The following NXPE2 variants were observed in gnomAD, a reference collection of about 807,000 sequenced individuals.
The protein encoded by NXPE2 is NXPE family member 2.
NXPE2 carries 34 observed loss-of-function variants against 34.4 expected under a neutral mutation model. The ratio of observed to expected loss-of-function variants is 0.99; its 90% CI spans 0.75 to 1.31. NXPE2 has a LOEUF of 1.31. NXPE2 is among the 40% of genes most tolerant of loss of function. The pLI, the probability that NXPE2 is intolerant of heterozygous loss-of-function variation, is 0.00. For synonymous variants in NXPE2, 235 were observed against 231.3 expected, an observed-to-expected ratio of 1.02 and a Z score of -0.15; for missense variants, 649 against 672.5, an observed-to-expected ratio of 0.97 and a Z score of 0.39.
the NXPE2 span, among the ~76,000 whole-genome samples, chr11:114,632,004 A>G: frequency 1.1e-4 from 16 of 148,276 alleles, no homozygotes; most frequent in Admixed American, 2.7e-4. Context: ...AACAGCTACT[A>G]TTACCTAATA....
At chr11:114,778,571 T>G in the NXPE2 span, among the ~76,000 whole-genome samples, 5 of 151,862 alleles carry the variant, frequency 3.3e-5, no homozygotes, top group Non-Finnish European at 7.4e-5. Flanking sequence ...GAGGACAGAT[T>G]TGAGAGATAA....
At chr11:114,751,316 G>A in the NXPE2 span, among the ~76,000 whole-genome samples, 2 of 152,076 alleles carry the variant, frequency 1.3e-5, no homozygotes, top group African/African-American at 4.8e-5. Context: ...ACCATTCGTT[G>A]GTTGATTCCA....
the NXPE2 span, among the ~76,000 whole-genome samples, chr11:114,778,920 G>A: frequency 6.6e-6 from 1 of 152,222 alleles, no homozygotes; most frequent in African/African-American, 2.4e-5. Context: ...AGAACCCGTT[G>A]TGGCTTTAAA....
the NXPE2 span, among the ~76,000 whole-genome samples, chr11:114,765,325 C>T: frequency 6.6e-6 from 1 of 152,166 alleles, no homozygotes; most frequent in Admixed American, 6.5e-5. Context: ...AAATTTGTGT[C>T]AATACTGTGT....
At chr11:114,568,739 G>A in the NXPE2 span, among the ~76,000 whole-genome samples, 2 of 152,076 alleles carry the variant, frequency 1.3e-5, no homozygotes. Flanking sequence ...CTTCTCTTCT[G>A]AGATGCTTTT....
the NXPE2 span, among the ~76,000 whole-genome samples, chr11:114,750,112 C>G: frequency 3.5e-3 from 526 of 152,350 alleles, 12 homozygotes; most frequent in Admixed American, 0.027. Context: ...CACTGCACTA[C>G]TGAGGCTCCC....
the NXPE2 span, among the ~76,000 whole-genome samples, chr11:114,670,052 CCCTA>C: frequency 6.6e-6 from 1 of 151,986 alleles, no homozygotes; most frequent in African/African-American, 2.4e-5. Context: ...CTAGGTAGAG[CCCTA>C]TAGAATTAGA....
the NXPE2 span, among the ~76,000 whole-genome samples, chr11:114,539,977 A>G: frequency 6.6e-6 from 1 of 152,356 alleles, no homozygotes; most frequent in Non-Finnish European, 1.5e-5. Context: ...GAATATTGTA[A>G]CTAAAAGTTC....
At chr11:114,545,772 T>G in the NXPE2 span, among the ~76,000 whole-genome samples, 4 of 150,426 alleles carry the variant, frequency 2.7e-5, no homozygotes, top group African/African-American at 9.8e-5. Flanking sequence ...CACTGTAACC[T>G]CCGCCTTCCA....
At chr11:114,589,844 T>C in the NXPE2 span, among the ~76,000 whole-genome samples, 1 of 152,042 alleles carries the variant, frequency 6.6e-6, no homozygotes, top group South Asian at 2.1e-4. Context: ...ACCCCAATAT[T>C]AGGAGCACAA....
the NXPE2 span, chr11:114,580,167 C>A: frequency 6.2e-7 from 1 of 1,614,016 alleles, no homozygotes; most frequent in South Asian, 1.1e-5. Context: ...CATCCACTGG[C>A]GGATCGTGGA....
the NXPE2 span, among the ~76,000 whole-genome samples, chr11:114,751,208 G>T: frequency 6.6e-6 from 1 of 152,116 alleles, no homozygotes; most frequent in Non-Finnish European, 1.5e-5. Flanking sequence ...TTAGCTATGT[G>T]GTCCCAGCCA....
At chr11:114,805,621 G>A in the NXPE2 span, among the ~76,000 whole-genome samples, 1 of 152,232 alleles carries the variant, frequency 6.6e-6, no homozygotes, top group Non-Finnish European at 1.5e-5. Flanking sequence ...CAAACTGCAA[G>A]GTGGCAGCGA....
the NXPE2 span, among the ~76,000 whole-genome samples, chr11:114,491,784 A>T: frequency 2.1e-4 from 32 of 152,352 alleles, no homozygotes; most frequent in East Asian, 5.2e-3. Flanking sequence ...GATAGACTGG[A>T]TTAAGAAAAT....
At chr11:114,495,263 G>A in the NXPE2 span, among the ~76,000 whole-genome samples, 17 of 152,048 alleles carry the variant, frequency 1.1e-4, no homozygotes, top group African/African-American at 3.9e-4. Context: ...ACAGTCAGCA[G>A]GTGGGAAATC....
chr11:114,794,435 A>G, the NXPE2 span, among the ~76,000 whole-genome samples: 2 of 152,296 alleles, frequency 1.3e-5, no homozygotes, highest in Non-Finnish European at 2.9e-5. Flanking sequence ...ATCTTGTGGC[A>G]TGTCCTGAGT....
chr11:114,559,646 T>C, the NXPE2 span, among the ~76,000 whole-genome samples: 1 of 152,200 alleles, frequency 6.6e-6, no homozygotes, highest in Non-Finnish European at 1.5e-5. Flanking sequence ...CTTCTGAGCT[T>C]TCTCCCTTTT....
chr11:114,502,417 A>C, the NXPE2 span, among the ~76,000 whole-genome samples: 1 of 152,088 alleles, frequency 6.6e-6, no homozygotes, highest in Non-Finnish European at 1.5e-5. Context: ...TGAGTAATTT[A>C]TTCAGGTCTA....
At chr11:114,568,673 C>T in the NXPE2 span, among the ~76,000 whole-genome samples, 5 of 152,150 alleles carry the variant, frequency 3.3e-5, no homozygotes, top group East Asian at 1.9e-4. Context: ...CCTCTGTCTT[C>T]CTCCATTTTG....
Sources: allele counts gnomAD v4.1 joint callset (sites outside exome capture counted in the v4.1 genomes callset), GRCh38; gene constraint gnomAD v4.1.1; transcripts MANE v1.5; gene names NCBI Gene and HGNC (gene_info 2026-07-23, HGNC 2026-07-21).